The following CELF2 variants were observed in gnomAD, a reference collection of about 807,000 sequenced individuals.
The protein encoded by CELF2 is CUG triplet repeat RNA-binding protein 2.
Under a neutral mutation model 62.6 loss-of-function variants are expected in CELF2, and 8 were observed. That is an observed-to-expected ratio of 0.13 (90% CI 0.07 to 0.23). The LOEUF (loss-of-function observed/expected upper bound fraction) is 0.23, where lower values mean the gene tolerates loss of function less well. Among genes scored for constraint, CELF2 ranks in the 10% least tolerant of loss-of-function variants. The probability of loss-of-function intolerance (pLI) is 1.00; values close to 1 mark genes in which losing one functional copy is unlikely to be tolerated. For synonymous variants in CELF2, 258 were observed against 250.0 expected, an observed-to-expected ratio of 1.03 and a Z score of -0.30; for missense variants, 333 against 671.0, an observed-to-expected ratio of 0.50 and a Z score of 5.56.
chr10:10,466,497 G>A, the CELF2 span, among the ~76,000 whole-genome samples: 2 of 152,062 alleles, frequency 1.3e-5, no homozygotes, highest in African/African-American at 2.4e-5. Flanking sequence ...ACTGTTATAA[G>A]TAAAGCTGTA....
the CELF2 span, among the ~76,000 whole-genome samples, chr10:10,535,932 C>T: frequency 3.3e-5 from 5 of 152,062 alleles, no homozygotes; most frequent in African/African-American, 1.2e-4. Context: ...GGATAAATAG[C>T]CATGATTCAA....
chr10:10,676,172 T>A, the CELF2 span, among the ~76,000 whole-genome samples: 1 of 152,154 alleles, frequency 6.6e-6, no homozygotes, highest in African/African-American at 2.4e-5. Flanking sequence ...ACTGTGAAAT[T>A]TCCAAGTGTT....
the CELF2 span, among the ~76,000 whole-genome samples, chr10:10,628,875 T>C: frequency 6.6e-6 from 1 of 152,250 alleles, no homozygotes; most frequent in Middle Eastern, 3.4e-3. Flanking sequence ...AAGACTTTCC[T>C]GTTTATCAGG....
At chr10:10,952,087 T>G (rs2048380920) in intron 2 of CELF2, 1 of 152,120 alleles carries the variant, frequency 6.6e-6, no homozygotes, top group Admixed American at 6.5e-5. Context: ...CTACCCTGAG[T>G]CATTGACTGA....
At chr10:11,152,193 C>G (rs1159143601) in intron 1 of CELF2, among the ~76,000 whole-genome samples, 6 of 152,162 alleles carry the variant, frequency 3.9e-5, no homozygotes, top group Non-Finnish European at 5.9e-5. Context: ...ATAGAGTTGC[C>G]ATGCCCCACA....
the CELF2 span, among the ~76,000 whole-genome samples, chr10:10,481,239 G>A: frequency 0.23 from 35,323 of 152,054 alleles, 4,762 homozygotes; most frequent in African/African-American, 0.38. Flanking sequence ...AGTGCTTTCT[G>A]TGTGCCATTT....
chr10:10,680,801 G>A, the CELF2 span, among the ~76,000 whole-genome samples: 1 of 152,176 alleles, frequency 6.6e-6, no homozygotes, highest in South Asian at 2.1e-4. Context: ...AAAGGCCAGA[G>A]CTCTCTTTTA....
At chr10:10,497,664 C>T in the CELF2 span, among the ~76,000 whole-genome samples, 9 of 152,052 alleles carry the variant, frequency 5.9e-5, no homozygotes, top group African/African-American at 1.4e-4. Flanking sequence ...TTTCAGCCAG[C>T]GGGAAGCAAG....
chr10:10,765,326 T>C, the CELF2 span, among the ~76,000 whole-genome samples: 4 of 152,126 alleles, frequency 2.6e-5, no homozygotes, highest in African/African-American at 9.7e-5. Context: ...TGAGAGATGT[T>C]TGGTGTGACA....
intron 9 of CELF2, among the ~76,000 whole-genome samples, chr10:11,307,744 G>C (rs1408762322): frequency 6.6e-6 from 1 of 152,200 alleles, no homozygotes; most frequent in South Asian, 2.1e-4. Context: ...ACTGAAAAGA[G>C]CTGATGAAAC....
intron 1 of CELF2, among the ~76,000 whole-genome samples, chr10:10,804,086 CCT>C (rs977936939): frequency 3.3e-5 from 5 of 152,202 alleles, no homozygotes; most frequent in African/African-American, 1.2e-4. Flanking sequence ...ATTCTAAAAT[CCT>C]CTCTGAGAAT....
the CELF2 span, among the ~76,000 whole-genome samples, chr10:10,570,455 A>G: frequency 6.6e-6 from 1 of 152,202 alleles, no homozygotes; most frequent in Non-Finnish European, 1.5e-5. Flanking sequence ...GGTGAAAGGA[A>G]TTTTATATAA....
the CELF2 span, among the ~76,000 whole-genome samples, chr10:10,540,320 C>T: frequency 6.6e-6 from 1 of 152,188 alleles, no homozygotes; most frequent in Non-Finnish European, 1.5e-5. Flanking sequence ...TGGCTCCTAG[C>T]ACCCTCATTA....
intron 2 of CELF2, among the ~76,000 whole-genome samples, chr10:10,926,778 T>G (rs922075270): frequency 1.3e-5 from 2 of 152,066 alleles, no homozygotes; most frequent in African/African-American, 4.8e-5. Context: ...GGAGTCGGGG[T>G]AAGGGGAGAA....
chr10:11,128,283 G>A (rs1374133806), intron 1 of CELF2, among the ~76,000 whole-genome samples: 1 of 152,136 alleles, frequency 6.6e-6, no homozygotes, highest in Non-Finnish European at 1.5e-5. Context: ...GATTACTGTA[G>A]CCTTGTAGTA....
intron 5 of CELF2, among the ~76,000 whole-genome samples, chr10:11,259,446 A>AG (rs2079809292): frequency 6.7e-6 from 1 of 149,838 alleles, no homozygotes; most frequent in Admixed American, 6.6e-5. Flanking sequence ...AAAAAAAAAA[A>AG]GGCGGCATGG....
At chr10:10,904,554 T>G (rs2063182955) in intron 1 of CELF2, among the ~76,000 whole-genome samples, 1 of 152,168 alleles carries the variant, frequency 6.6e-6, no homozygotes, top group Non-Finnish European at 1.5e-5. Flanking sequence ...AATATAGAAG[T>G]CTACCTCATT....
the CELF2 span, among the ~76,000 whole-genome samples, chr10:10,628,210 C>T: frequency 0.11 from 16,515 of 152,112 alleles, 1,473 homozygotes; most frequent in African/African-American, 0.24. Flanking sequence ...AGCCCAGATG[C>T]TTAATTCTTA....
At chr10:11,288,600 G>A (rs1188693818) in intron 9 of CELF2, 48 bp downstream of exon 9, 3 of 1,604,584 alleles carry the variant, frequency 1.9e-6, no homozygotes, top group Middle Eastern at 1.7e-4. Flanking sequence ...AGCAGGAGTG[G>A]CAGGTAGGTT....
Sources: allele counts gnomAD v4.1 joint callset (sites outside exome capture counted in the v4.1 genomes callset), GRCh38; gene constraint gnomAD v4.1.1; transcripts MANE v1.5; gene names NCBI Gene and HGNC (gene_info 2026-07-23, HGNC 2026-07-21).